CTNNA3: variants seen among roughly 807,000 people sequenced by gnomAD.
The protein encoded by CTNNA3 is catenin alpha 3, also known as catenin alpha-3.
Under a neutral mutation model 95.7 loss-of-function variants are expected in CTNNA3, and 76 were observed. That is an observed-to-expected ratio of 0.79 (90% CI 0.66 to 0.96). CTNNA3 has a LOEUF of 0.96. CTNNA3 is among the 40% of genes least tolerant of loss of function. The pLI is 0.00. For missense variants in CTNNA3, 1,191 were observed against 1,089.8 expected, an observed-to-expected ratio of 1.09 and a Z score of -1.31; for synonymous variants, 431 against 374.4, an observed-to-expected ratio of 1.15 and a Z score of -1.74.
intron 10 of CTNNA3, among the ~76,000 whole-genome samples, chr10:66,600,187 T>G (rs890855534): frequency 1.3e-5 from 2 of 151,736 alleles, no homozygotes; most frequent in East Asian, 1.9e-4. Context: ...TGATTAAAGA[T>G]CCGATATTCA....
chr10:67,159,127 C>G (rs10762145), intron 7 of CTNNA3, among the ~76,000 whole-genome samples: 97,904 of 152,054 alleles, frequency 0.64, 32,579 homozygotes, highest in African/African-American at 0.82. Flanking sequence ...TTGTATAGAA[C>G]AACACTGTGA....
chr10:66,309,824 C>A lies in CTNNA3; in HGVS notation c.1733-29203G>T, dbSNP rs551438057. Among the ~76,000 whole-genome samples, 100 of 150,542 alleles carry A rather than the reference C, an allele frequency of 6.6e-4. 1 individual carries two copies. The South Asian group carries it at 0.019, about 29-fold the overall frequency. ...CCTGTAATCCCAACACTTTGGGAGG[C>A]CAAGGTGGGCGGATCAGGAAGTCAG... is the stretch of plus-strand genomic sequence containing the variant. On this transcript the variant is annotated intron_variant, in intron 12 of 17. Transcript: ENST00000433211.
intron 1 of CTNNA3, among the ~76,000 whole-genome samples, chr10:67,717,389 G>C (rs948764613): frequency 6.6e-6 from 1 of 152,110 alleles, no homozygotes; most frequent in Non-Finnish European, 1.5e-5. Flanking sequence ...CGAAGACTTT[G>C]CTCATGCCTA....
intron 5 of CTNNA3, among the ~76,000 whole-genome samples, chr10:67,409,102 T>A (rs1845266508): frequency 6.6e-6 from 1 of 152,106 alleles, no homozygotes; most frequent in Non-Finnish European, 1.5e-5. Flanking sequence ...CTGGCAAGGT[T>A]GCAGAGAAAT....
At chr10:67,244,238 G>T (rs1865824040) in intron 5 of CTNNA3, among the ~76,000 whole-genome samples, 1 of 152,106 alleles carries the variant, frequency 6.6e-6, no homozygotes, top group Non-Finnish European at 1.5e-5. Flanking sequence ...AGTGATGATG[G>T]TTTTTAATCA....
chr10:66,007,739 T>A (rs999602127), intron 15 of CTNNA3, among the ~76,000 whole-genome samples: 3 of 28,612 alleles, frequency 1.0e-4, no homozygotes, highest in Non-Finnish European at 1.9e-4. Context: ...TCTTCCTCCC[T>A]ACCTTCCTTT....
At chr10:66,101,869 G>C (rs113836856) in intron 14 of CTNNA3, among the ~76,000 whole-genome samples, 3,305 of 152,154 alleles carry the variant, frequency 0.022, 118 homozygotes, top group African/African-American at 0.076. Context: ...AAATCCAAAG[G>C]ATTCTAGGTA....
At chr10:66,312,859 T>G (rs1432645886) in intron 12 of CTNNA3, among the ~76,000 whole-genome samples, 1 of 152,070 alleles carries the variant, frequency 6.6e-6, no homozygotes, top group Non-Finnish European at 1.5e-5. Context: ...TGCAGATTCT[T>G]TAAACCACCA....
At chr10:65,935,380 T>C (rs1458551540) in intron 17 of CTNNA3, among the ~76,000 whole-genome samples, 2 of 152,194 alleles carry the variant, frequency 1.3e-5, no homozygotes, top group Non-Finnish European at 2.9e-5. Flanking sequence ...CTTATAATCA[T>C]GCCATGCTTC....
rs1046926100 is a variant in CTNNA3 at position 66,354,000 on chromosome 10, C to A, written c.1732+25152G>T. Among the ~76,000 whole-genome samples, 11 of 152,100 alleles carry A rather than the reference C, an allele frequency of 7.2e-5. No individual in the cohort carries two copies. The East Asian group carries it at 1.5e-3, about 21-fold the overall frequency. ...GACATTTGTAAAAATTCCGTGAACA[C>A]GGCCAGACGCAGCGGCTCACGCCTG... On this transcript the variant is annotated intron_variant, in intron 12 of 17. Transcript: ENST00000433211.
intron 13 of CTNNA3, among the ~76,000 whole-genome samples, chr10:66,171,545 CAA>C (rs5785752): frequency 9.3e-5 from 12 of 129,454 alleles, no homozygotes; most frequent in Admixed American, 2.3e-4. Flanking sequence ...GACTCCATCT[CAA>C]AAAAAAAAAA....
At chr10:66,910,205 C>A (rs1043681022) in intron 7 of CTNNA3, among the ~76,000 whole-genome samples, 3 of 152,024 alleles carry the variant, frequency 2.0e-5, no homozygotes, top group African/African-American at 7.2e-5. Context: ...ATGGCTTGTT[C>A]GGGGAATAAT....
rs1193121312 is a variant in CTNNA3 at position 67,747,445 on chromosome 10, G to C, written c.-2+15989C>G. 2.6e-5 allele frequency among the ~76,000 whole-genome samples: 4 copies of C among 152,238 alleles called. No individual in the cohort carries two copies. In the East Asian group the frequency reaches 7.7e-4, roughly 29 times the overall value. On this transcript the variant is annotated intron_variant, in intron 1 of 17. Transcript: ENST00000684154. ...TCTTTGCTGTTCTCCAGCCTCCTTA[G>C]GTAACATCTCCAGGTGCGAGAGGGA...
intron 13 of CTNNA3, among the ~76,000 whole-genome samples, chr10:66,272,489 G>A (rs1375598141): frequency 6.6e-6 from 1 of 152,038 alleles, no homozygotes; most frequent in Non-Finnish European, 1.5e-5. Context: ...TGTTCCCTGG[G>A]GTTAGAAAAA....
At chr10:67,638,527 G>C (rs1393651292) in intron 2 of CTNNA3, among the ~76,000 whole-genome samples, 1 of 152,012 alleles carries the variant, frequency 6.6e-6, no homozygotes, top group East Asian at 1.9e-4. Flanking sequence ...CATCTACAGA[G>C]CTCTCCACCC....
intron 2 of CTNNA3, among the ~76,000 whole-genome samples, chr10:67,636,684 G>A (rs548661465): frequency 2.0e-5 from 3 of 152,248 alleles, no homozygotes; most frequent in East Asian, 1.9e-4. Flanking sequence ...GGAAAGATCA[G>A]GCAGCAACAT....
At chr10:66,921,060 A>C (rs984031661) in intron 7 of CTNNA3, among the ~76,000 whole-genome samples, 2 of 152,186 alleles carry the variant, frequency 1.3e-5, no homozygotes, top group African/African-American at 4.8e-5. Context: ...TTAAACAGTA[A>C]GCATTTATTT....
chr10:67,566,022 C>A (rs1266451413), intron 3 of CTNNA3, among the ~76,000 whole-genome samples: 3 of 57,314 alleles, frequency 5.2e-5, no homozygotes, highest in Non-Finnish European at 9.0e-5. Context: ...CACAAACACA[C>A]ACACACACAT....
At chr10:66,467,877 G>A (rs1589291936) in intron 11 of CTNNA3, among the ~76,000 whole-genome samples, 1 of 151,956 alleles carries the variant, frequency 6.6e-6, no homozygotes, top group East Asian at 1.9e-4. Context: ...TACCTCCATA[G>A]TGGTTGAAAA....
Sources: gnomAD v4.1 joint callset for allele counts (sites outside exome capture counted in the v4.1 genomes callset) on GRCh38, gnomAD v4.1.1 for gene constraint, MANE v1.5 for transcripts, NCBI Gene and HGNC (gene_info 2026-07-23, HGNC 2026-07-21) for gene names.